ADAMTSL1: variants seen among roughly 807,000 people sequenced by gnomAD.
ADAMTSL1 encodes the protein ADAMTS-like protein 1.
In ADAMTSL1, 126 loss-of-function variants were observed where a neutral mutation model predicts 201.8. That is an observed-to-expected ratio of 0.62 (90% CI 0.54 to 0.72). The LOEUF (loss-of-function observed/expected upper bound fraction) is 0.72. Among genes scored for constraint, ADAMTSL1 ranks in the 30% least tolerant of loss-of-function variants. The probability of loss-of-function intolerance (pLI) is 0.00; values close to 1 mark genes in which losing one functional copy is unlikely to be tolerated. For synonymous variants in ADAMTSL1, 1,121 were observed against 903.4 expected (o/e 1.24, Z -4.32); for missense variants, 2,679 against 2,277.8 (o/e 1.18, Z -3.59).
At chr9:18,807,680 A>G (rs1367340787) in intron 20 of ADAMTSL1, among the ~76,000 whole-genome samples, 2 of 151,598 alleles carry the variant, frequency 1.3e-5, no homozygotes, top group East Asian at 3.9e-4. Flanking sequence ...CAAAGCATAC[A>G]TAGTACTGAC....
At chr9:18,085,557 C>CTGTGTGTATACATATATACACACTGTG (rs1416381913) in intron 1 of ADAMTSL1, among the ~76,000 whole-genome samples, 95 of 113,816 alleles carry the variant, frequency 8.3e-4, no homozygotes, top group African/African-American at 2.6e-4. Context: ...TACATACACA[C>CTGTGTGTATACATATATACACACTGTG]TGTGTGTATA....
At chr9:18,878,859 G>T (rs548208387) in intron 23 of ADAMTSL1, among the ~76,000 whole-genome samples, 28 of 152,158 alleles carry the variant, frequency 1.8e-4, no homozygotes, top group Non-Finnish European at 4.0e-4. Context: ...TTGGAGGAGA[G>T]GCCACAAGGA....
At chr9:18,034,405 T>A (rs913114664) in intron 1 of ADAMTSL1, among the ~76,000 whole-genome samples, 2 of 152,194 alleles carry the variant, frequency 1.3e-5, no homozygotes, top group African/African-American at 4.8e-5. Flanking sequence ...TTGCTTTTAC[T>A]CCTGTCTCTA....
At chr9:18,601,713 C>G (rs1587683975) in intron 4 of ADAMTSL1, among the ~76,000 whole-genome samples, 1 of 151,784 alleles carries the variant, frequency 6.6e-6, no homozygotes, top group Non-Finnish European at 1.5e-5. Context: ...TATCATACAT[C>G]ATAAATAATG....
At position 18,659,649 on chromosome 9, in the gene ADAMTSL1, C is replaced by T. The variant is rs550250710; in HGVS notation, c.946+1899C>T. 5.3e-5 allele frequency among the ~76,000 whole-genome samples: 8 copies of T among 152,302 alleles called. 1 individual carries two copies. In the South Asian group the frequency reaches 1.2e-3, roughly 24 times the overall value. ...GGGTGTGGTGGCGCGAGCCTGTAAT[C>T]CCAGCTACTTGGGAGGCTGAGGCAT... On this transcript the variant is annotated intron_variant, in intron 8 of 28. Coordinates refer to ENST00000380548, the MANE Select transcript of ADAMTSL1 (RefSeq NM_001040272.6).
At chr9:17,993,019 C>T (rs1816226471) in intron 1 of ADAMTSL1, among the ~76,000 whole-genome samples, 1 of 152,094 alleles carries the variant, frequency 6.6e-6, no homozygotes, top group African/African-American at 2.4e-5. Context: ...AAGTGAATAG[C>T]CAATTTATGG....
chr9:17,994,318 C>G (rs1464833046), intron 1 of ADAMTSL1, among the ~76,000 whole-genome samples: 1 of 152,076 alleles, frequency 6.6e-6, no homozygotes, highest in Non-Finnish European at 1.5e-5. Flanking sequence ...AATAACTTTT[C>G]TATCTTTTTT....
At chr9:18,138,553 T>C (rs991934612) in intron 1 of ADAMTSL1, among the ~76,000 whole-genome samples, 1 of 152,188 alleles carries the variant, frequency 6.6e-6, no homozygotes, top group Non-Finnish European at 1.5e-5. Context: ...TGGCTACTAG[T>C]GCTGGGCATT....
At chr9:18,246,507 G>T (rs927250091) in intron 2 of ADAMTSL1, among the ~76,000 whole-genome samples, 2 of 152,102 alleles carry the variant, frequency 1.3e-5, no homozygotes, top group Admixed American at 6.6e-5. Flanking sequence ...AATAATAATA[G>T]TTATTATTTG....
intron 1 of ADAMTSL1, among the ~76,000 whole-genome samples, chr9:17,944,431 C>A (rs1382266817): frequency 2.2e-4 from 34 of 152,092 alleles, no homozygotes. Context: ...ATCAAGCTAC[C>A]AAGGACTTTC....
chr9:18,680,151 A>T (rs1359406731), intron 10 of ADAMTSL1, among the ~76,000 whole-genome samples, 161 bp from the exon 11 acceptor site: 1 of 152,110 alleles, frequency 6.6e-6, no homozygotes, highest in Non-Finnish European at 1.5e-5. Context: ...CTTCTCTCTT[A>T]CTCATCAGGT....
intron 2 of ADAMTSL1, among the ~76,000 whole-genome samples, chr9:18,445,332 T>C (rs1328697346): frequency 2.0e-5 from 3 of 152,182 alleles, no homozygotes; most frequent in East Asian, 1.9e-4. Flanking sequence ...ATGAACTCTT[T>C]GACTTTGTTT....
At chr9:18,602,569 T>C (rs959673660) in intron 4 of ADAMTSL1, among the ~76,000 whole-genome samples, 7 of 152,130 alleles carry the variant, frequency 4.6e-5, no homozygotes, top group Non-Finnish European at 7.4e-5. Context: ...TGTTCCAGGG[T>C]ATTGCTGCCA....
intron 2 of ADAMTSL1, among the ~76,000 whole-genome samples, chr9:18,510,820 A>T (rs1293639278): frequency 6.6e-6 from 1 of 152,038 alleles, no homozygotes. Context: ...TTTTATTTCA[A>T]ATGAATTAAA....
At chr9:18,714,578 A>C (rs992377235) in intron 14 of ADAMTSL1, among the ~76,000 whole-genome samples, 2 of 144,172 alleles carry the variant, frequency 1.4e-5, no homozygotes, top group African/African-American at 4.9e-5. Context: ...TAGACCAATA[A>C]CAGGATCTGA....
intron 1 of ADAMTSL1, among the ~76,000 whole-genome samples, chr9:18,154,803 T>C (rs1032827722): frequency 6.6e-6 from 1 of 152,072 alleles, no homozygotes; most frequent in Non-Finnish European, 1.5e-5. Context: ...GAGTGGACAT[T>C]GAAGAATGCT....
At chr9:18,397,086 A>G (rs930819013) in intron 2 of ADAMTSL1, among the ~76,000 whole-genome samples, 5 of 151,806 alleles carry the variant, frequency 3.3e-5, no homozygotes, top group African/African-American at 1.2e-4. Context: ...ACCCCTATGC[A>G]TAAATTAGAC....
intron 3 of ADAMTSL1, among the ~76,000 whole-genome samples, chr9:18,559,319 A>T (rs1234294682): frequency 6.6e-6 from 1 of 152,018 alleles, no homozygotes; most frequent in African/African-American, 2.4e-5. Context: ...GTGGTTGTAG[A>T]TTTGTGGTGG....
chr9:18,048,553 G>T (rs1169194251), intron 1 of ADAMTSL1, among the ~76,000 whole-genome samples: 1 of 152,176 alleles, frequency 6.6e-6, no homozygotes, highest in Admixed American at 6.5e-5. Context: ...CATGGGAGAT[G>T]TTACTAATCG....
Sources: gnomAD v4.1 joint callset for allele counts (sites outside exome capture counted in the v4.1 genomes callset) on GRCh38, gnomAD v4.1.1 for gene constraint, MANE v1.5 for transcripts, NCBI Gene and HGNC (gene_info 2026-07-23, HGNC 2026-07-21) for gene names.